VWA3B: variants seen among roughly 807,000 people sequenced by gnomAD.
The protein encoded by VWA3B is von Willebrand factor A domain-containing protein 3B.
In VWA3B, 138 loss-of-function variants were observed where a neutral mutation model predicts 158.3. That is an observed-to-expected ratio of 0.87 (90% confidence interval 0.76 to 1.00). The LOEUF (loss-of-function observed/expected upper bound fraction) is 1.00. Ranked by LOEUF, VWA3B falls within the 50% of genes least tolerant of loss-of-function variation. The pLI is 0.00. For synonymous variants in VWA3B, 596 were observed against 587.3 expected, an observed-to-expected ratio of 1.01 and a Z score of -0.21; for missense variants, 1,555 against 1,565.1, an observed-to-expected ratio of 0.99 and a Z score of 0.11.
chr2:98,168,376 T>TATACACAC (rs1553400813), intron 8 of VWA3B, among the ~76,000 whole-genome samples: 1 of 145,522 alleles, frequency 6.9e-6, no homozygotes, highest in Admixed American at 6.9e-5. Flanking sequence ...TACACACACA[T>TATACACAC]ACACACACAC....
At position 98,228,453 on chromosome 2, in the gene VWA3B, T is replaced by A. The variant is rs1439380261; in HGVS notation, c.2150+121T>A. On this transcript the variant is annotated intron_variant, in intron 15 of 27. Coordinates refer to ENST00000477737, the MANE Select transcript of VWA3B (RefSeq NM_144992.5). ...ATTTCTTTTAGTGAAAAGAATCACGTAGTGTGATTAAGTTAGGATTTTTTT... is the reference window on the plus strand; with the variant it reads ...ATTTCTTTTAGTGAAAAGAATCACGAAGTGTGATTAAGTTAGGATTTTTTT... The A allele has an allele frequency of 1.1e-5, 13 of 1,211,818 alleles. No homozygotes were observed. In the African/African-American group the frequency reaches 2.0e-4, roughly 18 times the overall value. 75.1% of individuals were successfully genotyped at this position (1,211,818 alleles called of 1,614,324 possible). A position where few individuals can be genotyped will look rare whatever the true frequency, so the allele number is the denominator to read the frequency against.
intron 12 of VWA3B, among the ~76,000 whole-genome samples, chr2:98,199,971 T>C (rs538842239): frequency 6.6e-6 from 1 of 152,322 alleles, no homozygotes; most frequent in African/African-American, 2.4e-5. Context: ...TTCCCGTCAG[T>C]GATATATGAG....
chr2:98,224,910 A>G (rs1180102213), intron 14 of VWA3B, among the ~76,000 whole-genome samples: 1 of 152,248 alleles, frequency 6.6e-6, no homozygotes, highest in Non-Finnish European at 1.5e-5. Context: ...TGTATTAAAA[A>G]TTATACACTA....
chr2:98,319,876 T>TCA, the VWA3B span, among the ~76,000 whole-genome samples: 6,538 of 147,286 alleles, frequency 0.044, 160 homozygotes, highest in South Asian at 0.067. Context: ...TGAGACTCCA[T>TCA]CACACACACA....
rs1227434068 is a variant in VWA3B at position 98,184,318 on chromosome 2, C to G, written c.1311+3106C>G. 2.0e-5 allele frequency among the ~76,000 whole-genome samples: 3 copies of G among 152,334 alleles called. No homozygotes were observed. The South Asian group carries it at 6.2e-4, about 32-fold the overall frequency. ...CTTGCAGGGCAGCGGAGGTGTCCAC[C>G]TCTGCCTGCCTTGGGAGCATAGGAC... On this transcript the variant is annotated intron_variant, in intron 9 of 27. Coordinates refer to ENST00000477737, the MANE Select transcript of VWA3B (RefSeq NM_144992.5).
At position 98,250,314 on chromosome 2, in the gene VWA3B, G is replaced by A. The variant is rs184743884; in HGVS notation, c.2674-4G>A. 1.4e-5 allele frequency: 23 copies of A among 1,607,642 alleles called. No homozygotes were observed. In the East Asian group the frequency reaches 4.0e-4, roughly 28 times the overall value. On this transcript the variant is annotated splice_region_variant and splice_polypyrimidine_tract_variant and intron_variant, in intron 19 of 27. Coordinates refer to ENST00000477737, the MANE Select transcript of VWA3B (RefSeq NM_144992.5). Reference sequence around the variant, plus strand: ...CTTTCCTTTCCTTTGCCATTGACATGCAGGTGTTCCCTCTGGCACATGTGT... The same window carrying A: ...CTTTCCTTTCCTTTGCCATTGACATACAGGTGTTCCCTCTGGCACATGTGT...
In VWA3B at chr2:98,236,564, G is replaced by A; in HGVS notation, c.2517-10G>A. ...GTAAATTTTAAAACACCACCTCCTT[G>A]TGTTCTTAGTTCTTCAGATGTGTCT... is the stretch of plus-strand genomic sequence containing the variant. On this transcript the variant is annotated splice_polypyrimidine_tract_variant and intron_variant, in intron 18 of 27. Coordinates refer to ENST00000477737, the MANE Select transcript of VWA3B (RefSeq NM_144992.5). 6.2e-7 allele frequency: 1 copy of A among 1,614,106 alleles called. No individual in the cohort carries two copies. Among genetic ancestry groups the A allele is most frequent in the Non-Finnish European group, 8.5e-7 (1 of 1,179,968 alleles).
chr2:98,182,519 A>G (rs1680681593), intron 9 of VWA3B, among the ~76,000 whole-genome samples: 1 of 152,254 alleles, frequency 6.6e-6, no homozygotes, highest in East Asian at 1.9e-4. Context: ...GGTAATTGCT[A>G]CAGCGCAGGG....
intron 20 of VWA3B, among the ~76,000 whole-genome samples, chr2:98,251,630 G>A (rs1686807092): frequency 6.6e-6 from 1 of 152,200 alleles, no homozygotes; most frequent in Non-Finnish European, 1.5e-5. Flanking sequence ...ATGCGGGTGG[G>A]TGAAATAAAG....
chr2:98,257,840 G>A (rs951142744), intron 21 of VWA3B, among the ~76,000 whole-genome samples: 1 of 151,862 alleles, frequency 6.6e-6, no homozygotes, highest in African/African-American at 2.4e-5. Context: ...TGTCCTTGGA[G>A]GTCCAAAAGT....
intron 7 of VWA3B, among the ~76,000 whole-genome samples, chr2:98,157,914 A>G (rs1262282909): frequency 6.6e-6 from 1 of 152,228 alleles, no homozygotes; most frequent in Non-Finnish European, 1.5e-5. Flanking sequence ...GCACCTGCCT[A>G]TCTTTCTAAT....
intron 20 of VWA3B, 73 bp downstream of exon 20, chr2:98,250,509 T>C: frequency 1.6e-6 from 2 of 1,247,106 alleles, no homozygotes; most frequent in Non-Finnish European, 1.1e-6. Context: ...TCTCTTGTTT[T>C]AGCTTAGCTT....
chr2:98,301,540 G>T (rs955510642), intron 25 of VWA3B, among the ~76,000 whole-genome samples: 2 of 152,240 alleles, frequency 1.3e-5, no homozygotes, highest in African/African-American at 4.8e-5. Context: ...ACAGGTAGGT[G>T]TTAGGTAACA....
rs1553417707 is a variant in VWA3B at position 98,216,982 on chromosome 2, A to ACCGCCCC, written c.1837-862_1837-861insGCCCCCC. ...GACTGTCATGTGTATCATTGTAAGC[A>ACCGCCCC]CCCGCCCCGCACCCAGTCTCAGGTG... On this transcript the variant is annotated intron_variant, in intron 13 of 27. Coordinates refer to ENST00000477737, the MANE Select transcript of VWA3B (RefSeq NM_144992.5). The ACCGCCCC allele has an allele frequency of 4.1e-5, 51 of 1,237,218 alleles. No homozygotes were observed. In the Admixed American group the frequency reaches 6.0e-4, roughly 15 times the overall value. 76.6% of individuals were successfully genotyped at this position (1,237,218 alleles called of 1,614,324 possible).
rs1165706630 is a variant in VWA3B, at chr2:98,106,394, T to C, written c.197-9258T>C. On this transcript the variant is annotated intron_variant, in intron 2 of 27. Transcript: ENST00000477737. ...CTTTCCAAATAAATTTTAGAATAAC[T>C]GTGTTCATGTCTACAAAAATATTGC... Among the ~76,000 whole-genome samples the C allele has an allele frequency of 5.9e-5, 9 of 152,228 alleles. 1 individual carries two copies. Among genetic ancestry groups the C allele is most frequent in the Admixed American group, 5.9e-4 (9 of 15,288 alleles).
At chr2:98,246,431 G>A (rs548906754) in intron 19 of VWA3B, among the ~76,000 whole-genome samples, 66 of 152,186 alleles carry the variant, frequency 4.3e-4, no homozygotes, top group African/African-American at 1.2e-3. Context: ...AGGCTGGAGT[G>A]CAGTGGTGCA....
intron 19 of VWA3B, 173 bp downstream of exon 19, chr2:98,236,903 C>A: frequency 2.2e-6 from 2 of 896,898 alleles, no homozygotes; most frequent in Non-Finnish European, 3.2e-6. Context: ...AATTTGGGCG[C>A]GGTGGCGCAT....
intron 2 of VWA3B, among the ~76,000 whole-genome samples, chr2:98,106,505 G>C (rs538271043): frequency 6.6e-6 from 1 of 152,042 alleles, no homozygotes; most frequent in African/African-American, 2.4e-5. Context: ...AATGCTGAGT[G>C]TTTCAGTTCA....
intron 12 of VWA3B, among the ~76,000 whole-genome samples, chr2:98,210,112 A>G (rs1683383512): frequency 6.6e-6 from 1 of 152,172 alleles, no homozygotes; most frequent in Non-Finnish European, 1.5e-5. Flanking sequence ...TAAGTACTCA[A>G]TAGTTGTTGT....
Sources: gnomAD v4.1 joint callset for allele counts (sites outside exome capture counted in the v4.1 genomes callset) on GRCh38, gnomAD v4.1.1 for gene constraint, MANE v1.5 for transcripts, NCBI Gene and HGNC (gene_info 2026-07-23, HGNC 2026-07-21) for gene names.